Variants in PATJ observed in about 807,000 individuals in gnomAD.
The protein encoded by PATJ is PATJ crumbs cell polarity complex component.
PATJ carries 190 observed loss-of-function variants against 224.9 expected under a neutral mutation model. That is an observed-to-expected ratio of 0.84 (90% CI 0.75 to 0.95). PATJ has a LOEUF of 0.95. Among genes scored for constraint, PATJ ranks in the 40% least tolerant of loss-of-function variants. PATJ has a pLI of 0.00. For synonymous variants in PATJ, 769 were observed against 820.3 expected, an observed-to-expected ratio of 0.94 and a Z score of 1.07; for missense variants, 2,121 against 2,270.3, an observed-to-expected ratio of 0.93 and a Z score of 1.34.
intron 28 of PATJ, among the ~76,000 whole-genome samples, chr1:62,005,988 A>G (rs1646068932): frequency 6.6e-6 from 1 of 152,176 alleles, no homozygotes; most frequent in South Asian, 2.1e-4. Flanking sequence ...TTTAATTTTT[A>G]TATAATTAAT....
chr1:61,845,081 G>C (rs890993395), intron 17 of PATJ, among the ~76,000 whole-genome samples: 1 of 152,266 alleles, frequency 6.6e-6, no homozygotes, highest in African/African-American at 2.4e-5. Context: ...TACTATCTGT[G>C]GTTTCAGGTA....
At chr1:62,148,944 T>C (rs1482099054) in intron 42 of PATJ, among the ~76,000 whole-genome samples, 3 of 151,692 alleles carry the variant, frequency 2.0e-5, no homozygotes, top group Non-Finnish European at 4.4e-5. Context: ...CTGGCCAACA[T>C]GATGAAACCC....
intron 37 of PATJ, among the ~76,000 whole-genome samples, chr1:62,120,199 T>C (rs1664886124): frequency 6.6e-6 from 1 of 152,206 alleles, no homozygotes; most frequent in Admixed American, 6.5e-5. Flanking sequence ...AATAGATAAA[T>C]GGCTATGTGA....
intron 14 of PATJ, among the ~76,000 whole-genome samples, chr1:61,812,433 A>AGTGTGT (rs71050167): frequency 1.6e-3 from 137 of 85,170 alleles, no homozygotes; most frequent in Middle Eastern, 0.012. Context: ...AGAGAGAGAG[A>AGTGTGT]GTGTGTGTGT....
At chr1:61,871,465 A>ATACACATATATATGTACATATATATG (rs1666492393) in intron 20 of PATJ, among the ~76,000 whole-genome samples, 1 of 119,252 alleles carries the variant, frequency 8.4e-6, no homozygotes, top group African/African-American at 3.1e-5. Flanking sequence ...GCGTATATAT[A>ATACACATATATATGTACATATATATG]TGTATATACA....
At chr1:62,074,201 A>G (rs1657904255) in intron 31 of PATJ, among the ~76,000 whole-genome samples, 1 of 131,184 alleles carries the variant, frequency 7.6e-6, no homozygotes, top group Non-Finnish European at 1.6e-5. Context: ...AACCCAAATT[A>G]AAAAAAATAG....
At chr1:62,078,290 T>C (rs1034423847) in intron 31 of PATJ, among the ~76,000 whole-genome samples, 2 of 152,180 alleles carry the variant, frequency 1.3e-5, no homozygotes, top group African/African-American at 4.8e-5. Flanking sequence ...TATGTATGTA[T>C]TTATTTTTGG....
chr1:61,987,797 A>G (rs1335678899), intron 27 of PATJ, among the ~76,000 whole-genome samples: 2 of 152,176 alleles, frequency 1.3e-5, no homozygotes, highest in African/African-American at 4.8e-5. Flanking sequence ...TTCACCCACC[A>G]AGATTCTTCT....
chr1:61,873,626 T>C (rs566202063), intron 20 of PATJ, among the ~76,000 whole-genome samples: 12 of 152,314 alleles, frequency 7.9e-5, no homozygotes, highest in African/African-American at 2.9e-4. Context: ...AAGTCCAAGA[T>C]GAAGGTGTCC....
intron 31 of PATJ, among the ~76,000 whole-genome samples, chr1:62,065,613 AAAT>A (rs1558118981): frequency 6.6e-6 from 1 of 152,176 alleles, no homozygotes. Flanking sequence ...GTCTCAAAAA[AAAT>A]AATAATTTAC....
chr1:61,823,592 G>T (rs1005257589), intron 15 of PATJ, among the ~76,000 whole-genome samples: 2 of 152,184 alleles, frequency 1.3e-5, no homozygotes, highest in African/African-American at 4.8e-5. Flanking sequence ...GAGAGGAAAG[G>T]TCTTGGGGAA....
intron 17 of PATJ, among the ~76,000 whole-genome samples, chr1:61,848,601 A>G (rs1662336873): frequency 6.6e-6 from 1 of 152,020 alleles, no homozygotes; most frequent in African/African-American, 2.4e-5. Flanking sequence ...TGTTTTTTAG[A>G]GACAAAGTCT....
intron 25 of PATJ, 23 bp from the exon 26 acceptor site, chr1:61,914,564 C>G: frequency 8.6e-7 from 1 of 1,168,446 alleles, no homozygotes; most frequent in African/African-American, 1.5e-5. Context: ...TTCTTCCCCC[C>G]ACCCCTTTTT....
At chr1:62,157,101 A>G (rs553792315) in intron 43 of PATJ, among the ~76,000 whole-genome samples, 1 of 152,136 alleles carries the variant, frequency 6.6e-6, no homozygotes, top group Admixed American at 6.6e-5. Context: ...AGGCAGGCAG[A>G]TCACGTGAGG....
intron 43 of PATJ, among the ~76,000 whole-genome samples, chr1:62,155,208 C>T (rs1669060173): frequency 6.6e-6 from 1 of 152,196 alleles, no homozygotes; most frequent in Non-Finnish European, 1.5e-5. Flanking sequence ...GTTGCCTCCA[C>T]AAAGCTCCTC....
chr1:62,132,399 G>A (rs1186665541), intron 41 of PATJ, among the ~76,000 whole-genome samples: 1 of 152,178 alleles, frequency 6.6e-6, no homozygotes, highest in East Asian at 1.9e-4. Context: ...TCAGGAGGCT[G>A]AGGCGGGAGA....
At chr1:62,090,892 C>A (rs1415884476) in intron 33 of PATJ, among the ~76,000 whole-genome samples, 1 of 152,168 alleles carries the variant, frequency 6.6e-6, no homozygotes, top group Non-Finnish European at 1.5e-5. Context: ...ATCAGCAATA[C>A]CCTCAGAAGA....
chr1:61,828,474 C>T (rs1055669893), intron 16 of PATJ, among the ~76,000 whole-genome samples: 2 of 151,318 alleles, frequency 1.3e-5, no homozygotes, highest in South Asian at 2.1e-4. Flanking sequence ...ACTGTAGCCT[C>T]GACCTTCTGG....
At chr1:62,093,042 C>G (rs749149366) in intron 33 of PATJ, among the ~76,000 whole-genome samples, 1 of 152,106 alleles carries the variant, frequency 6.6e-6, no homozygotes, top group Non-Finnish European at 1.5e-5. Context: ...TGTGCCCAGC[C>G]GAGAGTTAGA....
Sources: allele counts gnomAD v4.1 joint callset (sites outside exome capture counted in the v4.1 genomes callset), GRCh38; gene constraint gnomAD v4.1.1; transcripts MANE v1.5; gene names NCBI Gene and HGNC (gene_info 2026-07-23, HGNC 2026-07-21).